Variants in NUP58 observed in about 807,000 individuals in gnomAD.
NUP58 encodes nucleoporin p58/p45.
Under a neutral mutation model 70.1 loss-of-function variants are expected in NUP58, and 17 were observed. The ratio of observed to expected loss-of-function variants is 0.24; its 90% CI spans 0.17 to 0.36. The LOEUF is 0.36. Among genes scored for constraint, NUP58 ranks in the 10% least tolerant of loss-of-function variants. The pLI, the probability that NUP58 is intolerant of heterozygous loss-of-function variation, is 1.00. For missense variants in NUP58, 644 were observed against 701.5 expected (o/e 0.92, Z 0.93); for synonymous variants, 275 against 257.6 (o/e 1.07, Z -0.65).
rs780066757 is a variant in NUP58, at chr13:25,326,902, A to C, written c.1032-14A>C. 15 of 1,443,108 alleles carry C rather than the reference A, an allele frequency of 1.0e-5. No individual in the cohort carries two copies. The East Asian group carries it at 2.8e-4, about 26-fold the overall frequency. 89.4% of individuals were successfully genotyped at this position (1,443,108 alleles called of 1,614,324 possible). On this transcript the variant is annotated splice_polypyrimidine_tract_variant and intron_variant, in intron 10 of 15. Transcript: ENST00000381736. ...AAAAAATATTTGATCTGACTTTTTA[A>C]ATGTTTTTTAAAGCTACTTCAGAAT...
chr13:25,314,161 G>C (rs1593181511), intron 5 of NUP58, among the ~76,000 whole-genome samples: 1 of 152,096 alleles, frequency 6.6e-6, no homozygotes, highest in South Asian at 2.1e-4. Context: ...TCAAACTTCT[G>C]ACCTCAAGTG....
At chr13:25,325,135 T>A in intron 10 of NUP58, 67 bp downstream of exon 10, 1 of 1,109,102 alleles carries the variant, frequency 9.0e-7, no homozygotes. Flanking sequence ...AATAATAGTA[T>A]ACAAACTAAA....
intron 1 of NUP58, 133 bp downstream of exon 1, chr13:25,302,013 T>C (rs1381117232): frequency 4.8e-6 from 3 of 629,606 alleles, no homozygotes; most frequent in Non-Finnish European, 8.1e-6. Context: ...GCACTTAATC[T>C]AGCCGCCCGG....
rs67019897 is a variant in NUP58, at chr13:25,304,478, T to TTATATATA, written c.107+2630_107+2637dup. ...AATGTCTTCAGTTATGTTGTCAAGA[T>TTATATATA]TATATATATATATATATATATATAT... On this transcript the variant is annotated intron_variant, in intron 1 of 15. Coordinates refer to ENST00000381736, the MANE Select transcript of NUP58 (RefSeq NM_014089.4). Among the ~76,000 whole-genome samples the TTATATATA allele has an allele frequency of 7.3e-3, 611 of 83,318 alleles. 6 individuals carry two copies. Among genetic ancestry groups the TTATATATA allele is most frequent in the East Asian group, 0.015 (40 of 2,670 alleles). 54.7% of individuals were successfully genotyped at this position (83,318 alleles called of 152,430 possible). A position where few individuals can be genotyped will look rare whatever the true frequency, so the allele number is the denominator to read the frequency against.
chr13:25,347,326 T>C (rs992732173), downstream of NUP58, among the ~76,000 whole-genome samples: 1 of 152,144 alleles, frequency 6.6e-6, no homozygotes, highest in African/African-American at 2.4e-5. Flanking sequence ...GTTGCATACT[T>C]CTGCTCATAC....
downstream of NUP58, among the ~76,000 whole-genome samples, chr13:25,343,983 G>A (rs2032018425): frequency 6.6e-6 from 1 of 151,800 alleles, no homozygotes; most frequent in African/African-American, 2.4e-5. Flanking sequence ...GTGTTTTAAT[G>A]TCACATTGCC....
At chr13:25,301,907 G>C (rs2137691512) in intron 1 of NUP58, 27 bp downstream of exon 1, 1 of 1,500,304 alleles carries the variant, frequency 6.7e-7, no homozygotes, top group Non-Finnish European at 9.2e-7. Flanking sequence ...GCCTTCCTGG[G>C]CCGGATTCAC....
At chr13:25,317,433 G>A (rs1316588682) in intron 6 of NUP58, among the ~76,000 whole-genome samples, 1 of 152,190 alleles carries the variant, frequency 6.6e-6, no homozygotes, top group African/African-American at 2.4e-5. Context: ...CTGTTAGGAA[G>A]CTTTTGTAGA....
intron 4 of NUP58, 49 bp from the exon 5 acceptor site, chr13:25,313,565 G>A: frequency 7.2e-7 from 1 of 1,389,224 alleles, no homozygotes; most frequent in Non-Finnish European, 9.4e-7. Flanking sequence ...TTTCTATGGT[G>A]CTGTTAAATA....
chr13:25,336,971 C>T lies in NUP58; in HGVS notation c.1471C>T (p.Pro491Ser), dbSNP rs1302471608. 5 of 1,607,264 alleles carry T rather than the reference C, an allele frequency of 3.1e-6. No individual in the cohort carries two copies. Among genetic ancestry groups the T allele is most frequent in the Non-Finnish European group, 4.2e-6 (5 of 1,177,976 alleles). Residue 491 changes from proline (P) to serine (S), a missense_variant, in exon 14 of 16, where the codon CCA becomes TCA. Physicochemically the swap from Pro to Ser is moderately conservative, Grantham distance 74. Transcript: ENST00000381736. ...ATCTCTGGGAGTTAGTTTTGGAACG[C>T]CATTCGGCTCAGGTATTGGCACTGG... is the stretch of plus-strand genomic sequence containing the variant. ...QPSLGVSFGTPFGSGIGTGLQ... is the reference protein window; with the variant it reads ...QPSLGVSFGTSFGSGIGTGLQ...
At chr13:25,344,114 A>AT (rs536542301), downstream of NUP58, among the ~76,000 whole-genome samples, 101 of 152,118 alleles carry the variant, frequency 6.6e-4, no homozygotes, top group African/African-American at 2.3e-3. Context: ...AACCTTTTTA[A>AT]TATGTATCAG....
Position 25,307,887 on chromosome 13 carries a change from T to A in NUP58, c.189T>A (p.Phe63Leu). Reference protein sequence around the residue: ...PATTSAPSSGFGTGLFGSKPA... With the variant: ...PATTSAPSSGLGTGLFGSKPA... ...CTACATCTGCTCCTTCAAGTGGTTT[T>A]GGAACCGGGCTCTTTGGATCTAAAC... Residue 63 changes from phenylalanine (F) to leucine (L), a missense_variant, in exon 2 of 16, where the codon TTT becomes TTA. Phe to Leu is a conservative substitution (Grantham distance 22, BLOSUM62 0). This residue lies in a region of NUP58 where 430 missense variants were observed against 409.2 expected (regional missense o/e 1.05). Coordinates refer to ENST00000381736, the MANE Select transcript of NUP58 (RefSeq NM_014089.4). 1 of 1,614,210 alleles carries A rather than the reference T, an allele frequency of 6.2e-7. No individual in the cohort carries two copies. The highest frequency in any genetic ancestry group is 8.5e-7 in the Non-Finnish European group (1 of 1,180,032).
At chr13:25,332,438 T>A (rs1455849507) in intron 13 of NUP58, 1 of 984,316 alleles carries the variant, frequency 1.0e-6, no homozygotes, top group Non-Finnish European at 1.2e-6. Context: ...TTGATTTTTT[T>A]ATTTTAATCA....
chr13:25,336,912 ATTT>A lies in NUP58; in HGVS notation c.1436-10_1436-8del, dbSNP rs75002041. Reference sequence around the variant, plus strand: ...GGCAAATTTGTTTTTTTTCCCCCCCATTTTTTTTTTTTTTTTATACCAGGGCCA... The same window carrying A: ...GGCAAATTTGTTTTTTTTCCCCCCCATTTTTTTTTTTTTATACCAGGGCCA... On this transcript the variant is annotated intron_variant, in intron 13 of 15. Transcript: ENST00000381736. 2.1e-3 allele frequency: 2,677 copies of A among 1,245,384 alleles called. No homozygotes were observed. Among genetic ancestry groups the A allele is most frequent in the South Asian group, 4.0e-3 (262 of 66,162 alleles). The allele number at this position is 1,245,384 out of a possible 1,614,324, so 77.1% of individuals were successfully genotyped here.
In NUP58 at chr13:25,315,403, T is replaced by G. The variant is rs749782030; in HGVS notation, c.621T>G (p.Ala207=). Residue 207 remains alanine, a synonymous_variant, in exon 6 of 16, where the codon GCT becomes GCG. Transcript: ENST00000381736. Reference sequence around the variant, plus strand: ...GGTTGACTTTGGGAACTACAGCAGCTACTTCAACTGCAGGCAATGAAGGCC... The same window carrying G: ...GGTTGACTTTGGGAACTACAGCAGCGACTTCAACTGCAGGCAATGAAGGCC... ...ALGLTLGTTA[A]TSTAGNEGLG... 7 of 1,613,888 alleles carry G rather than the reference T, an allele frequency of 4.3e-6. No homozygotes were observed. Among genetic ancestry groups the G allele is most frequent in the African/African-American group, 1.3e-5 (1 of 74,930 alleles).
chr13:25,302,537 T>G (rs571410227), intron 1 of NUP58, among the ~76,000 whole-genome samples: 104 of 152,358 alleles, frequency 6.8e-4, no homozygotes, highest in African/African-American at 2.4e-3. Context: ...AGGTAGCATG[T>G]TCCTTGTTTT....
At chr13:25,334,544 A>G (rs1281776011) in intron 13 of NUP58, 18 of 985,190 alleles carry the variant, frequency 1.8e-5, no homozygotes, top group Non-Finnish European at 2.2e-5. Flanking sequence ...TTAATAACCA[A>G]AGGAACATTC....
chr13:25,328,882 CTG>C (rs1486190583), intron 12 of NUP58, among the ~76,000 whole-genome samples: 1 of 152,100 alleles, frequency 6.6e-6, no homozygotes, highest in Admixed American at 6.5e-5. Context: ...AAATTATCAA[CTG>C]TGTAGAATAG....
In NUP58 at chr13:25,338,220, ATTTAGTG is replaced by A. The variant is rs560788315; in HGVS notation, c.1535-411_1535-405del. Among the ~76,000 whole-genome samples the A allele has an allele frequency of 1.7e-4, 26 of 152,264 alleles. No individual in the cohort carries two copies. The South Asian group carries it at 5.4e-3, about 32-fold the overall frequency. ...GAGCAGAGTAAAATAACCTTGTAGT[ATTTAGTG>A]TTTACATTGTAGTGCATGTCATGCT... is the stretch of plus-strand genomic sequence containing the variant. On this transcript the variant is annotated intron_variant, in intron 14 of 15. Transcript: ENST00000381736.
Sources: gnomAD v4.1 joint callset for allele counts (sites outside exome capture counted in the v4.1 genomes callset) on GRCh38, gnomAD v4.1.1 for gene constraint, gnomAD v4.1.1 regional missense constraint, MANE v1.5 for transcripts, NCBI Gene and HGNC (gene_info 2026-07-23, HGNC 2026-07-21) for gene names.